The following CTNNA3 variants were observed in gnomAD, a reference collection of about 807,000 sequenced individuals.
CTNNA3 encodes the protein catenin alpha-3.
In CTNNA3, 76 loss-of-function variants were observed where a neutral mutation model predicts 95.7. The ratio of observed to expected loss-of-function variants is 0.79; its 90% CI spans 0.66 to 0.96. The LOEUF (loss-of-function observed/expected upper bound fraction) is 0.96, where lower values mean the gene tolerates loss of function less well. Among genes scored for constraint, CTNNA3 ranks in the 40% least tolerant of loss-of-function variants. The pLI, the probability that CTNNA3 is intolerant of heterozygous loss-of-function variation, is 0.00. For synonymous variants in CTNNA3, 431 were observed against 374.4 expected (o/e 1.15, Z -1.74); for missense variants, 1,191 against 1,089.8 (o/e 1.09, Z -1.31).
chr10:65,923,966 C>T lies in CTNNA3; in HGVS notation c.2401-3349G>A, dbSNP rs532865066. Among the ~76,000 whole-genome samples, 8 of 151,984 alleles carry T rather than the reference C, an allele frequency of 5.3e-5. No homozygotes were observed. The South Asian group carries it at 6.2e-4, about 12-fold the overall frequency. On this transcript the variant is annotated intron_variant, in intron 17 of 17. Transcript: ENST00000433211. ...TCTAGGCCAGAAACATTTTATATCCCGTAAAAAGAAATAATCACAAACAAT... is the reference window on the plus strand; with the variant it reads ...TCTAGGCCAGAAACATTTTATATCCTGTAAAAAGAAATAATCACAAACAAT...
intron 12 of CTNNA3, among the ~76,000 whole-genome samples, chr10:66,322,147 T>C (rs1214415281): frequency 6.6e-6 from 1 of 152,118 alleles, no homozygotes; most frequent in Non-Finnish European, 1.5e-5. Flanking sequence ...TGAAGAGCTC[T>C]AAGTAGAGGA....
intron 5 of CTNNA3, among the ~76,000 whole-genome samples, chr10:67,306,637 G>A (rs1038185005): frequency 6.6e-6 from 1 of 152,116 alleles, no homozygotes; most frequent in Non-Finnish European, 1.5e-5. Context: ...ATCAGCATGC[G>A]TGTGCTGATG....
chr10:66,602,849 T>C (rs1045690980), intron 10 of CTNNA3, among the ~76,000 whole-genome samples: 1 of 152,070 alleles, frequency 6.6e-6, no homozygotes, highest in African/African-American at 2.4e-5. Context: ...AAAAACCCTA[T>C]GATCCTTTCA....
chr10:66,108,995 A>G (rs1311537099), intron 13 of CTNNA3, among the ~76,000 whole-genome samples: 1 of 152,228 alleles, frequency 6.6e-6, no homozygotes, highest in Non-Finnish European at 1.5e-5. Flanking sequence ...ATAAGCTCAG[A>G]AGAGATTCTC....
intron 7 of CTNNA3, among the ~76,000 whole-genome samples, chr10:66,868,383 T>A (rs983139690): frequency 5.6e-5 from 8 of 142,344 alleles, no homozygotes; most frequent in South Asian, 2.3e-4. Flanking sequence ...AAAAAAAAAA[T>A]AAAAAAAACT....
At chr10:66,405,244 G>A (rs920180360) in intron 11 of CTNNA3, among the ~76,000 whole-genome samples, 1 of 152,100 alleles carries the variant, frequency 6.6e-6, no homozygotes, top group Non-Finnish European at 1.5e-5. Flanking sequence ...TCTAATCAAA[G>A]TTTTTGATAG....
At chr10:67,682,731 A>G (rs560466000) in intron 1 of CTNNA3, among the ~76,000 whole-genome samples, 1 of 152,368 alleles carries the variant, frequency 6.6e-6, no homozygotes, top group East Asian at 1.9e-4. Context: ...CCATGAACGT[A>G]TTCTAAGGAT....
chr10:66,351,893 G>T (rs116677600), intron 12 of CTNNA3, among the ~76,000 whole-genome samples: 4,596 of 151,994 alleles, frequency 0.03, 228 homozygotes, highest in African/African-American at 0.1. Context: ...ATTAGCAAAT[G>T]TTTAGTGACT....
chr10:66,898,249 C>G (rs1428065116), intron 7 of CTNNA3, among the ~76,000 whole-genome samples: 2 of 152,148 alleles, frequency 1.3e-5, no homozygotes, highest in African/African-American at 4.8e-5. Flanking sequence ...ATTATTTCTG[C>G]CTTCTCTGTA....
chr10:67,521,984 A>G, intron 4 of CTNNA3, 23 bp from the exon 5 acceptor site: 3 of 1,598,554 alleles, frequency 1.9e-6, no homozygotes, highest in Non-Finnish European at 1.7e-6. Flanking sequence ...ACAAAAGTAG[A>G]TCATTAGGAT....
In CTNNA3 at chr10:66,168,449, G is replaced by A. The variant is rs77021571; in HGVS notation, c.1885-65200C>T. Among the ~76,000 whole-genome samples, 814 of 152,024 alleles carry A rather than the reference G, an allele frequency of 5.4e-3. 8 individuals carry two copies. The highest frequency in any genetic ancestry group is 0.018 in the African/African-American group (756 of 41,462). On this transcript the variant is annotated intron_variant, in intron 13 of 17. Transcript: ENST00000433211. Reference sequence around the variant, plus strand: ...CACCTATGGCTTACTGTACACTATCGTTCAGTGGTTTTTTTCTGTTCATTG... The same window carrying A: ...CACCTATGGCTTACTGTACACTATCATTCAGTGGTTTTTTTCTGTTCATTG...
chr10:67,566,060 T>TATATATATATATATATATAC (rs1589434427), intron 3 of CTNNA3, among the ~76,000 whole-genome samples: 1 of 91,132 alleles, frequency 1.1e-5, no homozygotes, highest in East Asian at 3.8e-4. Context: ...TATATATATA[T>TATATATATATATATATATAC]ATATATATAT....
rs79890342 is a variant in CTNNA3, at chr10:66,516,306, C to T, written c.1531+4311G>A. On this transcript the variant is annotated intron_variant, in intron 11 of 17. Coordinates refer to ENST00000433211, the MANE Select transcript of CTNNA3 (RefSeq NM_013266.4). ...AATATAAGATAAGCTTATGAAGGCA[C>T]AGAAACTTGAGAGAGCAGTGGAAAC... is the stretch of plus-strand genomic sequence containing the variant. Among the ~76,000 whole-genome samples, 1,511 of 152,226 alleles carry T rather than the reference C, an allele frequency of 9.9e-3. 28 individuals carry two copies. The highest frequency in any genetic ancestry group is 0.035 in the African/African-American group (1,435 of 41,534).
At chr10:67,669,021 G>A (rs568988245) in intron 1 of CTNNA3, among the ~76,000 whole-genome samples, 1 of 151,878 alleles carries the variant, frequency 6.6e-6, no homozygotes, top group South Asian at 2.1e-4. Context: ...TGTATTTTTA[G>A]TAGAGATGGG....
chr10:67,115,497 A>AAAAAT (rs918680742), intron 7 of CTNNA3, among the ~76,000 whole-genome samples: 9 of 151,584 alleles, frequency 5.9e-5, no homozygotes, highest in Admixed American at 2.0e-4. Context: ...ATAATAATAA[A>AAAAAT]AAAATAAAAT....
At position 66,382,479 on chromosome 10, in the gene CTNNA3, GACTC is replaced by G. The variant is rs774961095; in HGVS notation, c.1532-3131_1532-3128del. ...AGCTCAACAAGGCCTACTGCCTCTA[GACTC>G]CATCTCTTGGGCAGGGCACAGCTGA... On this transcript the variant is annotated intron_variant, in intron 11 of 17. Coordinates refer to ENST00000433211, the MANE Select transcript of CTNNA3 (RefSeq NM_013266.4). 2.5e-4 allele frequency among the ~76,000 whole-genome samples: 38 copies of G among 152,040 alleles called. 2 individuals are homozygous for G. The highest frequency in any genetic ancestry group is 1.4e-3 in the Admixed American group (22 of 15,276).
intron 10 of CTNNA3, among the ~76,000 whole-genome samples, chr10:66,532,778 CA>C (rs943319650): frequency 1.3e-5 from 2 of 152,134 alleles, no homozygotes; most frequent in African/African-American, 4.8e-5. Context: ...CCCTGAGTTG[CA>C]AGGGCATGTT....
intron 15 of CTNNA3, among the ~76,000 whole-genome samples, chr10:66,007,467 A>G (rs926352421): frequency 8.5e-5 from 13 of 152,170 alleles, no homozygotes; most frequent in African/African-American, 2.9e-4. Flanking sequence ...TGCCTCTTCA[A>G]TTAACAAATG....
intron 17 of CTNNA3, among the ~76,000 whole-genome samples, chr10:65,943,555 C>T (rs1168345136): frequency 2.0e-5 from 3 of 152,134 alleles, no homozygotes; most frequent in African/African-American, 7.2e-5. Flanking sequence ...AATGGTAGGG[C>T]GTGGACACAA....
Sources: gnomAD v4.1 joint callset for allele counts (sites outside exome capture counted in the v4.1 genomes callset) on GRCh38, gnomAD v4.1.1 for gene constraint, MANE v1.5 for transcripts, NCBI Gene and HGNC (gene_info 2026-07-23, HGNC 2026-07-21) for gene names.